ABCA6: variants seen among roughly 807,000 people sequenced by gnomAD.
ABCA6 encodes ATP-binding cassette sub-family A member 6.
A neutral mutation model predicts 191.2 loss-of-function variants in ABCA6; 164 were observed. The observed-to-expected ratio is 0.86, with a 90% CI of 0.76 to 0.98. The LOEUF is 0.98. Among genes scored for constraint, ABCA6 ranks in the 50% least tolerant of loss-of-function variants. ABCA6 has a pLI of 0.00. For synonymous variants in ABCA6, 636 were observed against 647.7 expected (o/e 0.98, Z 0.27); for missense variants, 1,958 against 1,894.1 (o/e 1.03, Z -0.63).
chr17:69,081,183 C>T (rs2072625558), intron 36 of ABCA6, 38 bp from the exon 37 acceptor site: 1 of 1,133,116 alleles, frequency 8.8e-7, no homozygotes, highest in South Asian at 1.4e-5. Flanking sequence ...CTCTGAGTTT[C>T]AAGGGGAGAA....
At chr17:69,094,770 A>T (rs773681539) in intron 25 of ABCA6, 24 of 166,476 alleles carry the variant, frequency 1.4e-4, no homozygotes, top group Non-Finnish European at 3.2e-4. Flanking sequence ...CTAGATGTGC[A>T]TTTGTTCCAG....
At chr17:69,090,981 C>T (rs977999223) in intron 26 of ABCA6, among the ~76,000 whole-genome samples, 162 bp downstream of exon 26, 1 of 152,142 alleles carries the variant, frequency 6.6e-6, no homozygotes, top group Non-Finnish European at 1.5e-5. Flanking sequence ...CAAGCATCAC[C>T]ACGATTCCCC....
In ABCA6 at chr17:69,087,398, T is replaced by C. The variant is rs773064228; in HGVS notation, c.3774A>G (p.Glu1258=). ...TCAGAGCAGTGGCTGTTCTTATTCT[T>C]TCTGTTTGAATATCTTCATCTTCAT... The part of the protein sequence containing the change: ...PIDEDEDIQT[E]RIRTATALTT... Residue 1258 remains glutamate, a synonymous_variant, in exon 29 of 39, where the codon GAA becomes GAG. Transcript: ENST00000284425. The C allele has an allele frequency of 6.2e-7, 1 of 1,614,038 alleles. No homozygotes were observed. The highest frequency in any genetic ancestry group is 1.3e-5 in the African/African-American group (1 of 75,060).
At chr17:69,129,945 T>A (rs1001127688) in intron 6 of ABCA6, among the ~76,000 whole-genome samples, 194 bp from the exon 7 acceptor site, 1 of 152,156 alleles carries the variant, frequency 6.6e-6, no homozygotes, top group Admixed American at 6.6e-5. Flanking sequence ...ATAATTGCCA[T>A]TCATCTTCGT....
In ABCA6 at chr17:69,134,811, T is replaced by C. The variant is rs893187495; in HGVS notation, c.461-69A>G. On this transcript the variant is annotated intron_variant, in intron 4 of 38. Transcript: ENST00000284425. Reference sequence around the variant, plus strand: ...GCAGTTGGAGAATATGAAACAAGTATTGAAAAGAAAACAATCTAGAGGAGA... The same window carrying C: ...GCAGTTGGAGAATATGAAACAAGTACTGAAAAGAAAACAATCTAGAGGAGA... The C allele has an allele frequency of 6.1e-6, 7 of 1,141,082 alleles. No homozygotes were observed. The African/African-American group carries it at 7.8e-5, about 13-fold the overall frequency. 70.7% of individuals were successfully genotyped at this position (1,141,082 alleles called of 1,614,324 possible). A position where few individuals can be genotyped will look rare whatever the true frequency, so the allele number is the denominator to read the frequency against.
intron 10 of ABCA6, among the ~76,000 whole-genome samples, chr17:69,119,480 C>T (rs748298561): frequency 7.9e-5 from 12 of 152,008 alleles, no homozygotes; most frequent in Non-Finnish European, 1.2e-4. Context: ...CCCTAGAATC[C>T]ATGCTTCACA....
chr17:69,133,585 C>T, intron 6 of ABCA6, 56 bp downstream of exon 6: 1 of 1,289,678 alleles, frequency 7.8e-7, no homozygotes, highest in South Asian at 1.4e-5. Flanking sequence ...AACACTTTTT[C>T]ACTGCTTCTT....
chr17:69,116,388 T>C (rs1234274095), intron 11 of ABCA6, among the ~76,000 whole-genome samples: 1 of 152,158 alleles, frequency 6.6e-6, no homozygotes, highest in Non-Finnish European at 1.5e-5. Context: ...TTGCTATTGT[T>C]GTCGTTGTCA....
In ABCA6 at chr17:69,102,785, A is replaced by G. The variant is rs761572402; in HGVS notation, c.2874+50T>C. The G allele has an allele frequency of 7.9e-6, 12 of 1,527,828 alleles. No homozygotes were observed. In the South Asian group the frequency reaches 1.4e-4, roughly 18 times the overall value. The allele number at this position is 1,527,828 out of a possible 1,614,324, so 94.6% of individuals were successfully genotyped here. ...TAATTTCTGCAGTTTTAAAACAGCT[A>G]AAATGTAGTACTTTTTGTTTTTTTC... is the stretch of plus-strand genomic sequence containing the variant. On this transcript the variant is annotated intron_variant, in intron 21 of 38. Coordinates refer to ENST00000284425, the MANE Select transcript of ABCA6 (RefSeq NM_080284.3).
chr17:69,118,287 T>A (rs1475968724), intron 10 of ABCA6, among the ~76,000 whole-genome samples: 2 of 151,998 alleles, frequency 1.3e-5, no homozygotes, highest in Non-Finnish European at 2.9e-5. Context: ...TTACCTAGGG[T>A]CTTGAACTGG....
At chr17:69,110,998 A>T (rs1239602263) in intron 16 of ABCA6, 58 bp from the exon 17 acceptor site, 3 of 1,501,552 alleles carry the variant, frequency 2.0e-6, no homozygotes, top group African/African-American at 1.4e-5. Context: ...ATCACAAAAG[A>T]AGAGCTTTAA....
At chr17:69,105,095 G>A (rs1471365318) in intron 20 of ABCA6, 1 of 191,166 alleles carries the variant, frequency 5.2e-6, no homozygotes, top group African/African-American at 2.4e-5. Flanking sequence ...ATCTTCACAT[G>A]GTAACCAGTG....
intron 2 of ABCA6, 115 bp from the exon 3 acceptor site, chr17:69,137,615 T>A (rs1251424283): frequency 3.3e-6 from 3 of 913,446 alleles, no homozygotes; most frequent in African/African-American, 3.4e-5. Context: ...AGTTATGTTC[T>A]CTCTGCTCTC....
At chr17:69,127,774 C>A (rs140806644) in intron 8 of ABCA6, among the ~76,000 whole-genome samples, 1 of 151,944 alleles carries the variant, frequency 6.6e-6, no homozygotes, top group Non-Finnish European at 1.5e-5. Flanking sequence ...GTTATATTAA[C>A]GTAATGAACA....
At chr17:69,118,368 A>G (rs1188000540) in intron 10 of ABCA6, among the ~76,000 whole-genome samples, 1 of 152,032 alleles carries the variant, frequency 6.6e-6, no homozygotes, top group African/African-American at 2.4e-5. Context: ...CATCTTTTAT[A>G]GTGTTCTCTC....
rs138985180 is a variant in ABCA6, at chr17:69,119,017, A to G, written c.1437-1061T>C. 5.2e-3 allele frequency among the ~76,000 whole-genome samples: 787 copies of G among 152,164 alleles called. 4 individuals carry two copies. Among genetic ancestry groups the G allele is most frequent in the African/African-American group, 0.018 (751 of 41,550 alleles). Reference sequence around the variant, plus strand: ...CACATTAGAATTCCAAAGGGAACTGATGCCTGCAAACAACATCTGAGATTC... The same window carrying G: ...CACATTAGAATTCCAAAGGGAACTGGTGCCTGCAAACAACATCTGAGATTC... On this transcript the variant is annotated intron_variant, in intron 10 of 38. Transcript: ENST00000284425.
intron 15 of ABCA6, chr17:69,112,518 C>T (rs890084338): frequency 1.0e-5 from 4 of 393,124 alleles, no homozygotes; most frequent in African/African-American, 8.4e-5. Flanking sequence ...ATGGATGGAA[C>T]TGGAGTCTAT....
At position 69,100,051 on chromosome 17, in the gene ABCA6, G is replaced by T. The variant is rs559941839; in HGVS notation, c.3012+746C>A. Reference sequence around the variant, plus strand: ...AGGCAGGGTCTAACCAGAAAACCATGACTACGTTAAGTTCTTAGAGTGCAA... The same window carrying T: ...AGGCAGGGTCTAACCAGAAAACCATTACTACGTTAAGTTCTTAGAGTGCAA... On this transcript the variant is annotated intron_variant, in intron 22 of 38. Coordinates refer to ENST00000284425, the MANE Select transcript of ABCA6 (RefSeq NM_080284.3). Among the ~76,000 whole-genome samples, 13 of 152,296 alleles carry T rather than the reference G, an allele frequency of 8.5e-5. No homozygotes were observed. In the South Asian group the frequency reaches 2.5e-3, roughly 29 times the overall value.
chr17:69,086,987 A>C (rs2072811321), intron 29 of ABCA6, among the ~76,000 whole-genome samples: 1 of 152,204 alleles, frequency 6.6e-6, no homozygotes, highest in Admixed American at 6.5e-5. Flanking sequence ...CATCTAAGTC[A>C]AATAGAGTAA....
Sources: allele counts gnomAD v4.1 joint callset (sites outside exome capture counted in the v4.1 genomes callset), GRCh38; gene constraint gnomAD v4.1.1; transcripts MANE v1.5; gene names NCBI Gene and HGNC (gene_info 2026-07-23, HGNC 2026-07-21).